Variants in LIPA observed in about 807,000 individuals in gnomAD.
The protein encoded by LIPA is lipase A, lysosomal acid type, also known as lysosomal acid lipase/cholesteryl ester hydrolase.
In LIPA, 26 loss-of-function variants were observed where a neutral mutation model predicts 40.6. The observed-to-expected ratio is 0.64, with a 90% CI of 0.47 to 0.89. The LOEUF (loss-of-function observed/expected upper bound fraction) is 0.89. Among genes scored for constraint, LIPA ranks in the 40% least tolerant of loss-of-function variants. The probability of loss-of-function intolerance (pLI) is 0.00; values close to 1 mark genes in which losing one functional copy is unlikely to be tolerated. For missense variants in LIPA, 455 were observed against 479.6 expected, an observed-to-expected ratio of 0.95 and a Z score of 0.48; for synonymous variants, 188 against 168.4, an observed-to-expected ratio of 1.12 and a Z score of -0.90.
chr10:89,305,278 A>G (rs1843471199), intron 1 of LIPA, among the ~76,000 whole-genome samples: 1 of 152,200 alleles, frequency 6.6e-6, no homozygotes, highest in Admixed American at 6.5e-5. Flanking sequence ...GAAAAAAATG[A>G]GAATGTAGCA....
At chr10:89,361,702 T>A (rs1415605159) in intron 2 of LIPA, among the ~76,000 whole-genome samples, 1 of 152,084 alleles carries the variant, frequency 6.6e-6, no homozygotes, top group East Asian at 1.9e-4. Context: ...ATGTTGATAA[T>A]TTTTAACTAA....
intron 1 of LIPA, among the ~76,000 whole-genome samples, chr10:89,289,690 G>T (rs778476348): frequency 6.6e-6 from 1 of 151,994 alleles, no homozygotes; most frequent in Non-Finnish European, 1.5e-5. Context: ...ATTCAGTGGC[G>T]CCTGGTTTTA....
intron 1 of LIPA, among the ~76,000 whole-genome samples, chr10:89,298,212 G>A (rs1843426416): frequency 6.6e-6 from 1 of 152,186 alleles, no homozygotes; most frequent in South Asian, 2.1e-4. Context: ...TGGGGGCCCA[G>A]GAATTAGCCT....
At chr10:89,350,299 C>A (rs1033214593) in intron 2 of LIPA, among the ~76,000 whole-genome samples, 7 of 151,794 alleles carry the variant, frequency 4.6e-5, no homozygotes, top group Non-Finnish European at 8.8e-5. Flanking sequence ...GAGCCCTGAA[C>A]AAAGAGTGAA....
chr10:89,306,127 G>A (rs888474261), intron 1 of LIPA: 5 of 1,614,120 alleles, frequency 3.1e-6, no homozygotes, highest in Admixed American at 3.3e-5. Context: ...GCAACCTACT[G>A]GCCTATCTAA....
rs146994815 is a variant in LIPA, at chr10:89,287,493, A to G, written c.-1-39844T>C. ...AACCAAATTATCTGCTTCCCTGACT[A>G]TTCCTAAACTACAGCCACATCTCAT... On this transcript the variant is annotated intron_variant, in intron 1 of 5. Transcript: ENST00000282673. Among the ~76,000 whole-genome samples, 471 of 152,086 alleles carry G rather than the reference A, an allele frequency of 3.1e-3. 2 individuals are homozygous for G. Among genetic ancestry groups the G allele is most frequent in the African/African-American group, 0.011 (439 of 41,472 alleles).
At chr10:89,227,928 C>G (rs1047412363) in intron 4 of LIPA, among the ~76,000 whole-genome samples, 1 of 152,164 alleles carries the variant, frequency 6.6e-6, no homozygotes, top group Non-Finnish European at 1.5e-5. Context: ...TATGGAATAA[C>G]GTTTACCCAG....
In LIPA at chr10:89,224,866, A is replaced by G. The variant is rs2297475; in HGVS notation, c.675+226T>C. On this transcript the variant is annotated intron_variant, in intron 6 of 9. Transcript: ENST00000336233. ...GTGAGGTGGGCAGAGCTGTACTGAC[A>G]CATGCTAACCATGAGTACACGTGGC... is the stretch of plus-strand genomic sequence containing the variant. Among the ~76,000 whole-genome samples the G allele has an allele frequency of 0.12, 17,929 of 152,194 alleles. 1,209 individuals are homozygous for G. Among genetic ancestry groups the G allele is most frequent in the African/African-American group, 0.15 (6,071 of 41,510 alleles).
chr10:89,401,283 A>AT (rs545455218), intron 2 of LIPA, among the ~76,000 whole-genome samples: 55 of 148,352 alleles, frequency 3.7e-4, no homozygotes, highest in Middle Eastern at 3.4e-3. Context: ...TGCCCACCTA[A>AT]TTTTTTTTTT....
At chr10:89,366,496 T>A (rs1306739500) in intron 2 of LIPA, among the ~76,000 whole-genome samples, 3 of 152,036 alleles carry the variant, frequency 2.0e-5, no homozygotes, top group Admixed American at 6.6e-5. Context: ...TAAGAAAAAA[T>A]TTTTTCACAA....
intron 2 of LIPA, among the ~76,000 whole-genome samples, chr10:89,353,466 G>C (rs1461156921): frequency 6.6e-6 from 1 of 152,090 alleles, no homozygotes; most frequent in East Asian, 1.9e-4. Flanking sequence ...AAGAAACAGG[G>C]GAGAAATAAC....
intron 3 of LIPA, among the ~76,000 whole-genome samples, chr10:89,240,981 A>G (rs529866004): frequency 6.6e-6 from 1 of 152,308 alleles, no homozygotes; most frequent in South Asian, 2.1e-4. Flanking sequence ...CACACACATC[A>G]TCACCTACAT....
chr10:89,281,671 C>T (rs940103451), intron 1 of LIPA, among the ~76,000 whole-genome samples: 3 of 152,218 alleles, frequency 2.0e-5, no homozygotes, highest in African/African-American at 7.2e-5. Context: ...AAACACTTCG[C>T]TACTGCACTT....
rs143930279 is a variant in LIPA at position 89,225,152 on chromosome 10, G to C, written c.615C>G (p.Ser205=). 120 of 1,614,004 alleles carry C rather than the reference G, an allele frequency of 7.4e-5. No individual in the cohort carries two copies. Among genetic ancestry groups the C allele is most frequent in the Middle Eastern group, 1.6e-4 (1 of 6,084 alleles). Residue 205 remains serine (S), a synonymous_variant, in exon 6 of 10, where the codon TCC becomes TCG. Transcript: ENST00000336233. The part of the protein sequence containing the change: ...KMFFALGPVA[S]VAFCTSPMAK... ...CCATAGGGCTAGTACAGAAGGCGACGGAAGCCACAGGACCCAGGGCAAAAA... is the reference window on the plus strand; with the variant it reads ...CCATAGGGCTAGTACAGAAGGCGACCGAAGCCACAGGACCCAGGGCAAAAA...
At chr10:89,250,101 T>TCTTTTTTTTA in intron 1 of LIPA, among the ~76,000 whole-genome samples, 1 of 125,926 alleles carries the variant, frequency 7.9e-6, no homozygotes, top group Non-Finnish European at 1.6e-5. Context: ...TTCTTTTCTT[T>TCTTTTTTTTA]TCTTTCTTTT....
chr10:89,290,772 GC>G (rs530731170), intron 1 of LIPA, among the ~76,000 whole-genome samples: 294 of 152,150 alleles, frequency 1.9e-3, no homozygotes, highest in African/African-American at 6.7e-3. Context: ...TTATAAAACG[GC>G]CCCGGCCCTA....
At chr10:89,398,524 T>C (rs1489414843) in intron 2 of LIPA, among the ~76,000 whole-genome samples, 1 of 152,124 alleles carries the variant, frequency 6.6e-6, no homozygotes, top group African/African-American at 2.4e-5. Context: ...TCAGCCAGGG[T>C]CTGTGGGACA....
intron 2 of LIPA, among the ~76,000 whole-genome samples, chr10:89,407,958 C>T (rs1340593258): frequency 6.6e-6 from 1 of 151,072 alleles, no homozygotes; most frequent in African/African-American, 2.4e-5. Context: ...GTCCAGGGAC[C>T]ATTGCGGGTT....
At chr10:89,395,850 G>A (rs540130342) in intron 2 of LIPA, among the ~76,000 whole-genome samples, 9 of 152,114 alleles carry the variant, frequency 5.9e-5, no homozygotes, top group African/African-American at 1.9e-4. Flanking sequence ...TGACCTTTTG[G>A]ATCAGTTTTT....
Sources: allele counts gnomAD v4.1 joint callset (sites outside exome capture counted in the v4.1 genomes callset), GRCh38; gene constraint gnomAD v4.1.1; transcripts MANE v1.5; gene names NCBI Gene and HGNC (gene_info 2026-07-23, HGNC 2026-07-21).